ANO9: variants seen among roughly 807,000 people sequenced by gnomAD.
The protein encoded by ANO9 is anoctamin-9.
In ANO9, 80 loss-of-function variants were observed where a neutral mutation model predicts 100.5. The observed-to-expected ratio is 0.80, with a 90% CI of 0.66 to 0.96. ANO9 has a LOEUF of 0.96. Among genes scored for constraint, ANO9 ranks in the 40% least tolerant of loss-of-function variants. The pLI, the probability that ANO9 is intolerant of heterozygous loss-of-function variation, is 0.00. For missense variants in ANO9, 1,064 were observed against 1,072.7 expected (o/e 0.99, Z 0.11); for synonymous variants, 473 against 435.6 (o/e 1.09, Z -1.07).
At position 421,004 on chromosome 11, in the gene ANO9, C is replaced by G. The variant is rs1276468116; in HGVS notation, c.1431G>C (p.Gln477His). ...GCTTCAGGCCCATGATGATGGCCAT[C>G]TGCACGAAGAGGTCCATCATGCAGC... Reference protein sequence around the residue: ...ASGCMMDLFVQMAIIMGLKQT... With the variant: ...ASGCMMDLFVHMAIIMGLKQT... Residue 477 changes from glutamine (Q) to histidine (H), a missense_variant, in exon 17 of 23, where the codon CAG (glutamine) becomes CAC (histidine). Gln to His is a conservative substitution (Grantham distance 24). Coordinates refer to ENST00000332826, the MANE Select transcript of ANO9 (RefSeq NM_001012302.3). The surrounding 1 kb of genome is among the most constrained non-coding windows in gnomAD (Gnocchi z 6.8). 2 of 1,606,812 alleles carry G rather than the reference C, an allele frequency of 1.2e-6. No individual in the cohort carries two copies. Among genetic ancestry groups the G allele is most frequent in the South Asian group, 1.1e-5 (1 of 90,928 alleles).
rs1315199217 is a variant in ANO9 at position 428,127 on chromosome 11, T to C, written c.1295A>G (p.His432Arg). The C allele has an allele frequency of 6.2e-7, 1 of 1,609,042 alleles. No individual in the cohort carries two copies. Among genetic ancestry groups the C allele is most frequent in the Admixed American group, 1.7e-5 (1 of 59,578 alleles). The change falls in exon 15 of 23, where the codon CAT (histidine) becomes CGT (arginine). Residue 432 changes from histidine (H) to arginine (R), a missense_variant. By Grantham distance (29) the His-to-Arg change is conservative (BLOSUM62 0). Transcript: ENST00000332826. ...IRFFTLQFFT[H>R]FSSLIYIAFI... The stretch of plus-strand genomic sequence containing the variant: ...GGCGATGTAGATGAGAGACGAGAAA[T>C]GGGTGAAGAACTGCAGTGTGAAGAA...
In ANO9 at chr11:430,090, A is replaced by G; in HGVS notation, c.764T>C (p.Phe255Ser). Residue 255 changes from phenylalanine to serine, a missense_variant, in exon 9 of 23, where the codon TTT becomes TCT. Coordinates refer to ENST00000332826, the MANE Select transcript of ANO9 (RefSeq NM_001012302.3). ...GACCCGGAGGCGACAAACCTTGGCA[A>G]AAGTGCAGGTTTCCGAGAGCCGCTG... ...RYQRLSETCT[F>S]AKLTHLFDND... is the part of the protein sequence containing the mutation. The G allele has an allele frequency of 6.4e-7, 1 of 1,550,882 alleles. No homozygotes were observed. Among genetic ancestry groups the G allele is most frequent in the Non-Finnish European group, 8.7e-7 (1 of 1,147,528 alleles).
intron 1 of ANO9, among the ~76,000 whole-genome samples, chr11:438,628 A>C: frequency 2.1e-5 from 3 of 143,322 alleles, no homozygotes; most frequent in Non-Finnish European, 3.0e-5. Context: ...CCACCGGCCC[A>C]TCCCCCGGGC....
intron 20 of ANO9, chr11:419,237 T>C: frequency 7.0e-7 from 1 of 1,424,500 alleles, no homozygotes; most frequent in Admixed American, 2.9e-5. Context: ...GGACCCAGTC[T>C]GCAGTTTGGT....
intron 1 of ANO9, among the ~76,000 whole-genome samples, chr11:439,196 C>T (rs1242998663): frequency 1.3e-5 from 2 of 152,262 alleles, no homozygotes; most frequent in African/African-American, 2.4e-5. Context: ...ACAGGTGACA[C>T]ACCCAGTACT....
intron 8 of ANO9, 43 bp downstream of exon 8, chr11:430,226 G>C: frequency 6.4e-7 from 1 of 1,550,772 alleles, no homozygotes; most frequent in Non-Finnish European, 8.7e-7. Flanking sequence ...CAGGCAGCAG[G>C]GCCCACCCCG....
At chr11:438,914 G>A (rs764940955) in intron 1 of ANO9, among the ~76,000 whole-genome samples, 1 of 152,138 alleles carries the variant, frequency 6.6e-6, no homozygotes, top group Non-Finnish European at 1.5e-5. Context: ...GGTAGGGACA[G>A]GGGCTGTCCC....
chr11:429,427 C>A, intron 11 of ANO9, 143 bp downstream of exon 11: 1 of 1,484,750 alleles, frequency 6.7e-7, no homozygotes. Flanking sequence ...GGTGGACAGA[C>A]CAGGACACAC....
chr11:428,655 G>C lies in ANO9; in HGVS notation c.1021-16C>G, dbSNP rs777725335. Reference sequence around the variant, plus strand: ...TGAGGCAGATCTGCGGGACAGCTGTGGTGGGCGGGGGCCGGGGAGGGCATG... The same window carrying C: ...TGAGGCAGATCTGCGGGACAGCTGTCGTGGGCGGGGGCCGGGGAGGGCATG... On this transcript the variant is annotated splice_polypyrimidine_tract_variant and intron_variant, in intron 12 of 22. Coordinates refer to ENST00000332826, the MANE Select transcript of ANO9 (RefSeq NM_001012302.3). The C allele has an allele frequency of 1.2e-6, 2 of 1,611,862 alleles. No individual in the cohort carries two copies. Among genetic ancestry groups the C allele is most frequent in the South Asian group, 1.1e-5 (1 of 91,046 alleles).
rs111409755 is a variant in ANO9, at chr11:422,171, G to A, written c.1335-973C>T. 4.2e-3 allele frequency among the ~76,000 whole-genome samples: 637 copies of A among 152,258 alleles called. 10 individuals are homozygous for A. Among genetic ancestry groups the A allele is most frequent in the African/African-American group, 0.015 (611 of 41,542 alleles). On this transcript the variant is annotated intron_variant, in intron 15 of 22. Transcript: ENST00000332826. The surrounding 1 kb of genome is among the most constrained non-coding windows in gnomAD (Gnocchi z 4.3). ...ACACCAGCACAAGTTATACCATAAC[G>A]AGACTGAAACTCACAAGGCATCTGT...
intron 6 of ANO9, 22 bp from the exon 7 acceptor site, chr11:431,789 G>A: frequency 1.1e-5 from 17 of 1,612,374 alleles, no homozygotes; most frequent in Non-Finnish European, 1.4e-5. Context: ...GACAGAGAGT[G>A]AGAGCCCCCA....
rs772396256 is a variant in ANO9 at position 431,909 on chromosome 11, G to C, written c.407-3C>G. The C allele has an allele frequency of 6.2e-7, 1 of 1,610,942 alleles. No individual in the cohort carries two copies. Among genetic ancestry groups the C allele is most frequent in the Non-Finnish European group, 8.5e-7 (1 of 1,178,230 alleles). ...CTTCATCAGATCCTCGAAGGTCTCT[G>C]GGTCACAGGGGTTCACGAGTCAGGG... On this transcript the variant is annotated splice_region_variant and splice_polypyrimidine_tract_variant and intron_variant, in intron 5 of 22. Coordinates refer to ENST00000332826, the MANE Select transcript of ANO9 (RefSeq NM_001012302.3).
Position 418,915 on chromosome 11 carries a change from T to G in ANO9, c.2009A>C (p.Glu670Ala). Reference protein sequence around the residue: ...TKDFQDPDGIEGSENVTLCRY... With the variant: ...TKDFQDPDGIAGSENVTLCRY... The stretch of plus-strand genomic sequence containing the variant: ...GCACAGAGTCACGTTTTCTGAGCCC[T>G]CAATCCCATCAGGGTCCTGGAAGTC... Residue 670 changes from glutamate (E) to alanine (A), a missense_variant, in exon 21 of 23, where the codon GAG becomes GCG. Coordinates refer to ENST00000332826, the MANE Select transcript of ANO9 (RefSeq NM_001012302.3). The G allele has an allele frequency of 1.9e-6, 3 of 1,613,450 alleles. No individual in the cohort carries two copies. Among genetic ancestry groups the G allele is most frequent in the Non-Finnish European group, 2.5e-6 (3 of 1,179,880 alleles).
chr11:440,956 C>T lies in ANO9; in HGVS notation c.6+965G>A, dbSNP rs562407757. ...ACTTCCAACAAACCAGGTGCTGCTT[C>T]TCCCAACCCAACCCCTGGCCAGCCC... On this transcript the variant is annotated intron_variant, in intron 1 of 22. Transcript: ENST00000332826. Among the ~76,000 whole-genome samples, 4 of 152,366 alleles carry T rather than the reference C, an allele frequency of 2.6e-5. No individual in the cohort carries two copies. The East Asian group carries it at 7.7e-4, about 29-fold the overall frequency.
chr11:432,962 G>A lies in ANO9; in HGVS notation c.350+352C>T, dbSNP rs1271617271. 3.8e-6 allele frequency: 1 copy of A among 262,824 alleles called. No individual in the cohort carries two copies. Among genetic ancestry groups the A allele is most frequent in the Non-Finnish European group, 7.1e-6 (1 of 140,174 alleles). The allele number at this position is 262,824 out of a possible 1,614,324, so 16.3% of individuals were successfully genotyped here. A position where few individuals can be genotyped will look rare whatever the true frequency, so the allele number is the denominator to read the frequency against. ...TCCAGGAAGGGGCATCGGAACTGGA[G>A]AGGAGGGGTCTTCAAGAGACACTGG... On this transcript the variant is annotated intron_variant, in intron 4 of 22. Transcript: ENST00000332826. This position sits in a 1 kb window ranked among gnomAD's most constrained non-coding sequence, Gnocchi z 4.8.
At position 428,613 on chromosome 11, in the gene ANO9, G is replaced by A. The variant is rs1319567155; in HGVS notation, c.1047C>T (p.His349=). Residue 349 remains histidine (H), a synonymous_variant, in exon 13 of 23, where the codon CAC becomes CAT. Coordinates refer to ENST00000332826, the MANE Select transcript of ANO9 (RefSeq NM_001012302.3). ...LMICLMIGMA[H]VLVVYRVLAS... is the part of the protein sequence containing the mutation. ...CCAGGACGCGGTAGACCACCAGGAC[G>A]TGGGCCATGCCGATCATGAGGCAGA... The A allele has an allele frequency of 7.4e-6, 12 of 1,612,226 alleles. 1 individual carries two copies. Among genetic ancestry groups the A allele is most frequent in the South Asian group, 4.4e-5 (4 of 91,056 alleles).
chr11:424,892 G>A (rs148551503), intron 15 of ANO9, among the ~76,000 whole-genome samples: 36 of 152,190 alleles, frequency 2.4e-4, no homozygotes, highest in African/African-American at 8.7e-4. Flanking sequence ...GGCACAAAGT[G>A]AAGGAAATCT....
At chr11:429,711 G>A in intron 10 of ANO9, 47 bp downstream of exon 10, 1 of 1,612,146 alleles carries the variant, frequency 6.2e-7, no homozygotes, top group South Asian at 1.1e-5. Flanking sequence ...TCGGAGCTTG[G>A]GCTGGCACTT....
In ANO9 at chr11:421,596, C is replaced by G. The variant is rs1339401125; in HGVS notation, c.1335-398G>C. Among the ~76,000 whole-genome samples, 1 of 127,052 alleles carries G rather than the reference C, an allele frequency of 7.9e-6. No homozygotes were observed. Among genetic ancestry groups the G allele is most frequent in the Non-Finnish European group, 1.7e-5 (1 of 59,190 alleles). The allele number at this position is 127,052 out of a possible 152,430, so 83.4% of individuals were successfully genotyped here. On this transcript the variant is annotated intron_variant, in intron 15 of 22. Coordinates refer to ENST00000332826, the MANE Select transcript of ANO9 (RefSeq NM_001012302.3). This position sits in a 1 kb window ranked among gnomAD's most constrained non-coding sequence, Gnocchi z 6.8. ...GTGGGCGCGCGCACACACACACACA[C>G]CCCCACACAGGGGAGGCCACAGGCT...
Sources: allele counts gnomAD v4.1 joint callset (sites outside exome capture counted in the v4.1 genomes callset), GRCh38; gene constraint gnomAD v4.1.1; non-coding constraint Gnocchi (gnomAD v3.1); transcripts MANE v1.5; gene names NCBI Gene and HGNC (gene_info 2026-07-23, HGNC 2026-07-21).